MTAP: variants seen among roughly 807,000 people sequenced by gnomAD.
The protein encoded by MTAP is methylthioadenosine phosphorylase.
A neutral mutation model predicts 33.6 loss-of-function variants in MTAP; 33 were observed. The observed-to-expected ratio is 0.98, with a 90% CI of 0.74 to 1.31. The LOEUF (loss-of-function observed/expected upper bound fraction) is 1.31. Ranked by LOEUF, MTAP falls within the 40% of genes most tolerant of loss-of-function variation. The pLI is 0.00. For synonymous variants in MTAP, 148 were observed against 125.7 expected (o/e 1.18, Z -1.19); for missense variants, 367 against 360.0 (o/e 1.02, Z -0.16).
intron 1 of MTAP, among the ~76,000 whole-genome samples, chr9:21,887,017 A>G (rs989986436): frequency 4.6e-5 from 7 of 152,112 alleles, no homozygotes; most frequent in African/African-American, 1.4e-4. Context: ...GAATTTGTGC[A>G]TTGCTTTTGG....
intron 1 of MTAP, among the ~76,000 whole-genome samples, chr9:21,908,888 T>G (rs1204440668): frequency 6.6e-6 from 1 of 151,954 alleles, no homozygotes; most frequent in East Asian, 1.9e-4. Context: ...AATATGGAAG[T>G]CTCATCTCTT....
chr9:21,865,755 G>C lies in MTAP; in HGVS notation c.*3741G>C, dbSNP rs1453367135. The C allele has an allele frequency of 9.6e-7, 1 of 1,040,088 alleles. No individual in the cohort carries two copies. Among genetic ancestry groups the C allele is most frequent in the African/African-American group, 1.7e-5 (1 of 58,938 alleles). 64.4% of individuals were successfully genotyped at this position (1,040,088 alleles called of 1,614,324 possible). A position where few individuals can be genotyped will look rare whatever the true frequency, so the allele number is the denominator to read the frequency against. On this transcript the variant is annotated 3_prime_UTR_variant, in exon 8 of 8. Transcript: ENST00000644715. Reference sequence around the variant, plus strand: ...GAACCTCGGGATCCCAAAGAATGAGGGGAATTTCTTCAGAAAGACAATCTC... The same window carrying C: ...GAACCTCGGGATCCCAAAGAATGAGCGGAATTTCTTCAGAAAGACAATCTC...
downstream of MTAP, among the ~76,000 whole-genome samples, chr9:21,867,514 G>A (rs189601921): frequency 1.0e-3 from 153 of 152,074 alleles, no homozygotes; most frequent in African/African-American, 3.4e-3. Flanking sequence ...ACCATACTTA[G>A]TCATGATATG....
chr9:21,804,686 A>G (rs1198519012), intron 1 of MTAP, among the ~76,000 whole-genome samples: 1 of 149,990 alleles, frequency 6.7e-6, no homozygotes, highest in Non-Finnish European at 1.5e-5. Context: ...TAGGTTAATA[A>G]AAACCACATC....
chr9:21,803,036 A>ACACACACACACC lies in MTAP; in HGVS notation c.33+256_33+257insACACACACACCC, dbSNP rs1020757334. On this transcript the variant is annotated intron_variant, in intron 1 of 7. Transcript: ENST00000644715. ...CACACACACACACACACACACACAC[A>ACACACACACACC]CCACCTTTTGGCTTATCTGCACCCG... 186 of 1,039,756 alleles carry ACACACACACACC rather than the reference A, an allele frequency of 1.8e-4. 2 individuals carry two copies. Among genetic ancestry groups the ACACACACACACC allele is most frequent in the African/African-American group, 8.0e-4 (44 of 54,718 alleles). 64.4% of individuals were successfully genotyped at this position (1,039,756 alleles called of 1,614,324 possible).
chr9:21,925,204 A>T (rs74578980), intron 1 of MTAP, among the ~76,000 whole-genome samples: 1 of 152,222 alleles, frequency 6.6e-6, no homozygotes, highest in Non-Finnish European at 1.5e-5. Flanking sequence ...TGGTCTTAAT[A>T]GATCAAGGAC....
intron 5 of MTAP, among the ~76,000 whole-genome samples, chr9:21,851,739 G>A (rs1451675947): frequency 6.6e-6 from 1 of 152,202 alleles, no homozygotes; most frequent in African/African-American, 2.4e-5. Context: ...GCTGGGAAAG[G>A]CTGACCTAGC....
chr9:21,938,383 G>A (rs1464045317), downstream of MTAP, among the ~76,000 whole-genome samples: 1 of 151,616 alleles, frequency 6.6e-6, no homozygotes, highest in Non-Finnish European at 1.5e-5. Flanking sequence ...AGGCTGCAGT[G>A]AGCCATGATT....
chr9:21,817,937 T>A (rs955856312), intron 3 of MTAP, 98 bp from the exon 4 acceptor site: 1 of 1,188,536 alleles, frequency 8.4e-7, no homozygotes, highest in African/African-American at 1.6e-5. Flanking sequence ...TAGTCTGTGG[T>A]CATTGCTAGA....
chr9:21,802,823 A>G (rs751808622), intron 1 of MTAP, 42 bp downstream of exon 1: 1 of 1,610,454 alleles, frequency 6.2e-7, no homozygotes, highest in Non-Finnish European at 8.5e-7. Flanking sequence ...GCCCTGCCGG[A>G]TGCCTTCTCG....
Position 21,854,714 on chromosome 9 carries a change from C to T in MTAP, c.534C>T (p.Ser178=), listed in dbSNP as rs1038628856. The T allele has an allele frequency of 4.3e-6, 7 of 1,613,982 alleles. No individual in the cohort carries two copies. Among genetic ancestry groups the T allele is most frequent in the Non-Finnish European group, 5.9e-6 (7 of 1,179,964 alleles). Residue 178 remains serine, a synonymous_variant, in exon 6 of 8, where the codon AGC becomes AGT. Coordinates refer to ENST00000644715, the MANE Select transcript of MTAP (RefSeq NM_002451.4). The part of the protein sequence containing the change: ...TMVTIEGPRF[S]SRAESFMFRT... Reference sequence around the variant, plus strand: ...TCACAATCGAGGGACCTCGTTTTAGCTCCCGGGCAGAAAGCTTCATGTTCC... The same window carrying T: ...TCACAATCGAGGGACCTCGTTTTAGTTCCCGGGCAGAAAGCTTCATGTTCC...
At chr9:21,940,954 C>T, downstream of MTAP, 1 of 982,492 alleles carries the variant, frequency 1.0e-6, no homozygotes, top group African/African-American at 1.7e-5. Context: ...TTACAACCCT[C>T]TTATATTTGC....
At chr9:21,888,864 G>A (rs1056284113) in intron 1 of MTAP, among the ~76,000 whole-genome samples, 2 of 151,972 alleles carry the variant, frequency 1.3e-5, no homozygotes, top group Non-Finnish European at 2.9e-5. Context: ...TCAATATGAT[G>A]GAAATAATTT....
downstream of MTAP, among the ~76,000 whole-genome samples, chr9:21,868,835 AC>A (rs147269004): frequency 6.6e-6 from 1 of 152,194 alleles, no homozygotes; most frequent in East Asian, 1.9e-4. Flanking sequence ...CATCGTCATC[AC>A]CTGGAGGGCT....
chr9:21,914,215 CAG>C (rs1428762028), intron 1 of MTAP, among the ~76,000 whole-genome samples: 2 of 152,188 alleles, frequency 1.3e-5, no homozygotes, highest in Non-Finnish European at 2.9e-5. Flanking sequence ...TTGTGGAAGA[CAG>C]TGTGGCGATT....
intron 1 of MTAP, among the ~76,000 whole-genome samples, chr9:21,923,081 C>T (rs994700346): frequency 1.3e-5 from 2 of 152,200 alleles, no homozygotes; most frequent in Admixed American, 6.5e-5. Context: ...TTGTATGCCA[C>T]GCAACTTCCT....
intron 5 of MTAP, among the ~76,000 whole-genome samples, chr9:21,849,546 G>T (rs1825462930): frequency 6.6e-6 from 1 of 152,156 alleles, no homozygotes; most frequent in Non-Finnish European, 1.5e-5. Flanking sequence ...CCCCACACTG[G>T]CTCCCTGACT....
intron 1 of MTAP, among the ~76,000 whole-genome samples, chr9:21,912,312 T>G (rs529094757): frequency 1.7e-4 from 26 of 152,198 alleles, no homozygotes; most frequent in Non-Finnish European, 2.6e-4. Flanking sequence ...TACCAAAGCC[T>G]GGCAGAGACA....
intron 7 of MTAP, chr9:21,859,665 C>T (rs560699094): frequency 2.7e-6 from 1 of 365,766 alleles, no homozygotes; most frequent in Admixed American, 4.7e-5. Context: ...TCTCGTGTAC[C>T]AGATTCTTCA....
Sources: gnomAD v4.1 joint callset for allele counts (sites outside exome capture counted in the v4.1 genomes callset) on GRCh38, gnomAD v4.1.1 for gene constraint, MANE v1.5 for transcripts, NCBI Gene and HGNC (gene_info 2026-07-23, HGNC 2026-07-21) for gene names.